SCARA3: variants seen among roughly 807,000 people sequenced by gnomAD.
SCARA3 encodes the protein scavenger receptor class A member 3.
A neutral mutation model predicts 47.0 loss-of-function variants in SCARA3; 39 were observed. The observed-to-expected ratio is 0.83, with a 90% CI of 0.64 to 1.08. The LOEUF (loss-of-function observed/expected upper bound fraction) is 1.08, where lower values mean the gene tolerates loss of function less well. Among genes scored for constraint, SCARA3 ranks in the 50% least tolerant of loss-of-function variants. The probability of loss-of-function intolerance (pLI) is 0.00; values close to 1 mark genes in which losing one functional copy is unlikely to be tolerated. For missense variants in SCARA3, 724 were observed against 792.3 expected, an observed-to-expected ratio of 0.91 and a Z score of 1.04; for synonymous variants, 356 against 334.1, an observed-to-expected ratio of 1.07 and a Z score of -0.71.
chr8:27,717,518 C>G, the SCARA3 span, among the ~76,000 whole-genome samples: 7 of 152,162 alleles, frequency 4.6e-5, no homozygotes, highest in Non-Finnish European at 8.8e-5. Flanking sequence ...GGCTCAGTGG[C>G]CCCCACCTGT....
Position 27,672,706 on chromosome 8 carries a change from C to T in SCARA3, c.*1355C>T, listed in dbSNP as rs368749244. On this transcript the variant is annotated 3_prime_UTR_variant, in exon 6 of 6. Transcript: ENST00000301904. ...TCCTGCACACACTGGCAGAGAGGGG[C>T]GCTGGGAAATCACCCCACAGGGTGG... is the stretch of plus-strand genomic sequence containing the variant. 103 of 985,652 alleles carry T rather than the reference C, an allele frequency of 1.0e-4. 3 individuals carry two copies. In the East Asian group the frequency reaches 4.1e-3, roughly 39 times the overall value. The allele number at this position is 985,652 out of a possible 1,614,324, so 61.1% of individuals were successfully genotyped here. A position where few individuals can be genotyped will look rare whatever the true frequency, so the allele number is the denominator to read the frequency against.
At chr8:27,721,726 C>A in the SCARA3 span, among the ~76,000 whole-genome samples, 1 of 152,122 alleles carries the variant, frequency 6.6e-6, no homozygotes, top group Non-Finnish European at 1.5e-5. Context: ...ACCCAGTTTA[C>A]AAATGACCAT....
At chr8:27,640,666 G>A (rs1222071005) in intron 1 of SCARA3, among the ~76,000 whole-genome samples, 1 of 151,962 alleles carries the variant, frequency 6.6e-6, no homozygotes, top group East Asian at 1.9e-4. Flanking sequence ...TGTTCTTAGT[G>A]CTGGTTTTTA....
At chr8:27,642,550 T>C (rs914852820) in intron 1 of SCARA3, among the ~76,000 whole-genome samples, 1 of 152,016 alleles carries the variant, frequency 6.6e-6, no homozygotes, top group African/African-American at 2.4e-5. Context: ...TGGCCAGGCA[T>C]GGTGGCTCAT....
chr8:27,693,916 C>A, the SCARA3 span, among the ~76,000 whole-genome samples: 5 of 152,194 alleles, frequency 3.3e-5, no homozygotes, highest in Admixed American at 3.3e-4. Flanking sequence ...CCAGATAGAA[C>A]CAATGTACGT....
chr8:27,713,913 T>C, the SCARA3 span, among the ~76,000 whole-genome samples: 57 of 152,278 alleles, frequency 3.7e-4, 2 homozygotes, highest in Middle Eastern at 0.017. Flanking sequence ...GTTGGGGTCA[T>C]GGGGGCAGCT....
chr8:27,698,302 C>A, the SCARA3 span, among the ~76,000 whole-genome samples: 1 of 152,114 alleles, frequency 6.6e-6, no homozygotes, highest in African/African-American at 2.4e-5. Flanking sequence ...TCTTGAGAGA[C>A]AACTGACTAT....
At chr8:27,642,754 G>A (rs1022223525) in intron 1 of SCARA3, among the ~76,000 whole-genome samples, 2 of 152,154 alleles carry the variant, frequency 1.3e-5, no homozygotes, top group South Asian at 4.1e-4. Context: ...AACCCGGGAG[G>A]TCTAGGCGGC....
rs35552987 is a variant in SCARA3, at chr8:27,671,171, G to A, written c.1641G>A (p.Gly547=). 42 of 1,524,486 alleles carry A rather than the reference G, an allele frequency of 2.8e-5. No individual in the cohort carries two copies. The African/African-American group carries it at 4.9e-4, about 18-fold the overall frequency. The allele number at this position is 1,524,486 out of a possible 1,614,324, so 94.4% of individuals were successfully genotyped here. A position where few individuals can be genotyped will look rare whatever the true frequency, so the allele number is the denominator to read the frequency against. Residue 547 remains glycine (G), a synonymous_variant, in exon 6 of 6, where the codon GGG becomes GGA. Transcript: ENST00000301904. ...PGPKGDIGPP[G]PEGPPGSPGP... is the part of the protein sequence containing the mutation. ...CAAAAGGGGACATAGGGCCCCCAGG[G>A]CCAGAAGGGCCCCCGGGGTCTCCAG...
intron 5 of SCARA3, among the ~76,000 whole-genome samples, chr8:27,668,211 G>GTT (rs1480858237): frequency 6.6e-6 from 1 of 152,192 alleles, no homozygotes; most frequent in African/African-American, 2.4e-5. Flanking sequence ...AGGAGGGAGA[G>GTT]TTTTTTCTCC....
chr8:27,660,618 T>TGATAGATAGATAGATAGATA lies in SCARA3; in HGVS notation c.1369+1099_1369+1118dup, dbSNP rs10674215. On this transcript the variant is annotated intron_variant, in intron 5 of 5. Coordinates refer to ENST00000301904, the MANE Select transcript of SCARA3 (RefSeq NM_016240.3). ...AAGCAATCAATAGCATAGAGATAGA[T>TGATAGATAGATAGATAGATA]GATAGATAGATAGATAGATAGATAG... Among the ~76,000 whole-genome samples, 197 of 130,988 alleles carry TGATAGATAGATAGATAGATA rather than the reference T, an allele frequency of 1.5e-3. 1 individual carries two copies. The highest frequency in any genetic ancestry group is 1.8e-3 in the Non-Finnish European group (106 of 60,410). 85.9% of individuals were successfully genotyped at this position (130,988 alleles called of 152,430 possible).
At chr8:27,715,847 T>C in the SCARA3 span, among the ~76,000 whole-genome samples, 1 of 73,164 alleles carries the variant, frequency 1.4e-5, no homozygotes, top group South Asian at 8.2e-4. This position sits in a 1 kb window ranked among gnomAD's most constrained non-coding sequence, Gnocchi z 4.2. Context: ...GATAGATAGA[T>C]AGATAGATAG....
the SCARA3 span, among the ~76,000 whole-genome samples, chr8:27,713,291 CTAGGGCAAGAA>C: frequency 6.6e-6 from 1 of 152,224 alleles, no homozygotes; most frequent in Non-Finnish European, 1.5e-5. Context: ...AGTTTTACAT[CTAGGGCAAGAA>C]TATCACGTAA....
intron 3 of SCARA3, among the ~76,000 whole-genome samples, chr8:27,655,424 G>A (rs903542961): frequency 2.0e-5 from 3 of 152,140 alleles, no homozygotes; most frequent in Non-Finnish European, 2.9e-5. Flanking sequence ...TCAGGCACCC[G>A]CTGGAAAAAG....
chr8:27,638,314 T>TGTGTGTGTGTG (rs1554535995), intron 1 of SCARA3, among the ~76,000 whole-genome samples: 1 of 146,620 alleles, frequency 6.8e-6, no homozygotes, highest in African/African-American at 2.6e-5. Context: ...AATTTAGTGA[T>TGTGTGTGTGTG]TGTGTGTGTG....
At chr8:27,711,862 C>G in the SCARA3 span, among the ~76,000 whole-genome samples, 21 of 152,260 alleles carry the variant, frequency 1.4e-4, no homozygotes, top group African/African-American at 4.8e-4. Context: ...ATTAACCTCC[C>G]CCACCACAGT....
intron 5 of SCARA3, among the ~76,000 whole-genome samples, chr8:27,667,585 C>T (rs749739441): frequency 6.6e-6 from 1 of 152,326 alleles, no homozygotes; most frequent in East Asian, 1.9e-4. Flanking sequence ...ATCTTGAGCA[C>T]GTGGCCACCC....
At chr8:27,649,189 G>A (rs984616072) in intron 1 of SCARA3, among the ~76,000 whole-genome samples, 2 of 152,174 alleles carry the variant, frequency 1.3e-5, no homozygotes, top group East Asian at 3.9e-4. Context: ...TCCTAGGTGA[G>A]ATTGTGTGAA....
At chr8:27,700,527 A>T in the SCARA3 span, among the ~76,000 whole-genome samples, 7 of 152,072 alleles carry the variant, frequency 4.6e-5, no homozygotes, top group Non-Finnish European at 8.8e-5. Context: ...AAATCACTTG[A>T]ACCCAGGAGG....
Sources: allele counts gnomAD v4.1 joint callset (sites outside exome capture counted in the v4.1 genomes callset), GRCh38; gene constraint gnomAD v4.1.1; non-coding constraint Gnocchi (gnomAD v3.1); transcripts MANE v1.5; gene names NCBI Gene and HGNC (gene_info 2026-07-23, HGNC 2026-07-21).